Variants in LRRK1 observed in about 807,000 individuals in gnomAD.
LRRK1 encodes the protein leucine-rich repeat serine/threonine-protein kinase 1.
LRRK1 carries 113 observed loss-of-function variants against 209.1 expected under a neutral mutation model. That is an observed-to-expected ratio of 0.54 (90% CI 0.46 to 0.63). LRRK1 has a LOEUF of 0.63. Among genes scored for constraint, LRRK1 ranks in the 30% least tolerant of loss-of-function variants. The pLI, the probability that LRRK1 is intolerant of heterozygous loss-of-function variation, is 0.00. For missense variants in LRRK1, 2,284 were observed against 2,632.2 expected (o/e 0.87, Z 2.89); for synonymous variants, 1,144 against 1,099.7 (o/e 1.04, Z -0.80).
At chr15:100,962,383 G>A (rs569591809) in intron 2 of LRRK1, among the ~76,000 whole-genome samples, 9 of 152,018 alleles carry the variant, frequency 5.9e-5, no homozygotes, top group African/African-American at 9.6e-5. Context: ...TACAAAAATC[G>A]GCTGGGCGTG....
At position 101,014,743 on chromosome 15, in the gene LRRK1, T is replaced by C. The variant is rs113387433; in HGVS notation, c.1532+315T>C. ...TCTTCTTATAAGGACACCAGTCGGA[T>C]TGGATTAGAGTCCATCCTAATGACC... On this transcript the variant is annotated intron_variant, in intron 11 of 33. Transcript: ENST00000388948. 2.3e-3 allele frequency among the ~76,000 whole-genome samples: 351 copies of C among 152,312 alleles called. 1 individual carries two copies. Among genetic ancestry groups the C allele is most frequent in the Admixed American group, 4.1e-3 (62 of 15,300 alleles).
At chr15:100,991,818 A>G (rs1047763365) in intron 6 of LRRK1, among the ~76,000 whole-genome samples, 1 of 152,178 alleles carries the variant, frequency 6.6e-6, no homozygotes, top group Non-Finnish European at 1.5e-5. Flanking sequence ...TCACCAATTT[A>G]TAAGCATTTG....
At chr15:100,974,804 T>G (rs769963468) in intron 3 of LRRK1, among the ~76,000 whole-genome samples, 1 of 152,246 alleles carries the variant, frequency 6.6e-6, no homozygotes, top group Non-Finnish European at 1.5e-5. Context: ...CCAAAAATCT[T>G]CTACAGATTA....
intron 12 of LRRK1, 21 bp downstream of exon 12, chr15:101,015,423 G>T (rs371578751): frequency 1.3e-6 from 2 of 1,593,152 alleles, no homozygotes; most frequent in South Asian, 2.2e-5. Flanking sequence ...GTTGGGAGAC[G>T]GTGTTCCCAG....
intron 20 of LRRK1, 23 bp from the exon 21 acceptor site, chr15:101,045,958 C>T: frequency 6.2e-7 from 1 of 1,611,216 alleles, no homozygotes; most frequent in Non-Finnish European, 8.5e-7. Context: ...CACTGTTCAC[C>T]AGTCCCCCTT....
At position 101,006,380 on chromosome 15, in the gene LRRK1, AAAAAAAAAAAAAG is replaced by A. The variant is rs997139099; in HGVS notation, c.763-2452_763-2440del. Among the ~76,000 whole-genome samples, 367 of 82,550 alleles carry A rather than the reference AAAAAAAAAAAAAG, an allele frequency of 4.4e-3. 3 individuals carry two copies. The highest frequency in any genetic ancestry group is 0.016 in the African/African-American group (346 of 21,416). The allele number at this position is 82,550 out of a possible 152,430, so 54.2% of individuals were successfully genotyped here. ...ATGCAACGACAATGTGATAAAAAAAAAAAAAAAAAAAAGAAAAGGCATTAAAAGGTGTGAAGAC... is the reference window on the plus strand; with the variant it reads ...ATGCAACGACAATGTGATAAAAAAAAAAAAGGCATTAAAAGGTGTGAAGAC... On this transcript the variant is annotated intron_variant, in intron 6 of 33. Coordinates refer to ENST00000388948, the MANE Select transcript of LRRK1 (RefSeq NM_024652.6).
chr15:101,006,372 T>TAAAAAAAAAA (rs56053663), intron 6 of LRRK1, among the ~76,000 whole-genome samples: 1 of 114,460 alleles, frequency 8.7e-6, no homozygotes. Context: ...GACAATGTGA[T>TAAAAAAAAAA]AAAAAAAAAA....
rs2036912183 is a variant in LRRK1, at chr15:101,074,472, C to A, written c.*5624C>A. The stretch of plus-strand genomic sequence containing the variant: ...CTCTTTTTCATCAAATATAAAAACC[C>A]AGCCCAGTTCATGCCTCGTTTGGCA... On this transcript the variant is annotated 3_prime_UTR_variant, in exon 34 of 34. Transcript: ENST00000388948. 1.3e-5 allele frequency: 2 copies of A among 152,136 alleles called. No individual in the cohort carries two copies. The highest frequency in any genetic ancestry group is 1.3e-4 in the Admixed American group (2 of 15,272). The allele number at this position is 152,136 out of a possible 1,614,324, so 9.4% of individuals were successfully genotyped here. A position where few individuals can be genotyped will look rare whatever the true frequency, so the allele number is the denominator to read the frequency against.
chr15:101,019,637 G>C (rs996266483), intron 12 of LRRK1, among the ~76,000 whole-genome samples: 1 of 152,144 alleles, frequency 6.6e-6, no homozygotes, highest in African/African-American at 2.4e-5. Context: ...GAGCCGAGGC[G>C]GGGTAGCTAT....
At chr15:100,925,445 G>A (rs553215448) in intron 2 of LRRK1, among the ~76,000 whole-genome samples, 4 of 152,282 alleles carry the variant, frequency 2.6e-5, no homozygotes, top group Admixed American at 2.0e-4. Context: ...TTATTCTCCT[G>A]TGGGACATTT....
rs962546395 is a variant in LRRK1, at chr15:101,022,213, C to T, written c.1853-170C>T. 4 of 692,132 alleles carry T rather than the reference C, an allele frequency of 5.8e-6. No homozygotes were observed. Among genetic ancestry groups the T allele is most frequent in the East Asian group, 2.7e-5 (1 of 37,628 alleles). 42.9% of individuals were successfully genotyped at this position (692,132 alleles called of 1,614,324 possible). On this transcript the variant is annotated intron_variant, in intron 14 of 33. Coordinates refer to ENST00000388948, the MANE Select transcript of LRRK1 (RefSeq NM_024652.6). The surrounding 1 kb of genome is among the most constrained non-coding windows in gnomAD (Gnocchi z 4.0). ...CCATAGGTTCTTGCCTCTTAGAGTTCGCTTTTAGGGTGGTTAGTGTCATGC... is the reference window on the plus strand; with the variant it reads ...CCATAGGTTCTTGCCTCTTAGAGTTTGCTTTTAGGGTGGTTAGTGTCATGC...
At chr15:101,054,833 AATC>A (rs748665249) in intron 26 of LRRK1, 110 bp from the exon 27 acceptor site, 27 of 986,900 alleles carry the variant, frequency 2.7e-5, no homozygotes, top group Non-Finnish European at 3.9e-5. Flanking sequence ...AAAGAAAAAA[AATC>A]ATAAAGTATC....
chr15:101,023,255 G>A (rs766399478), intron 15 of LRRK1, among the ~76,000 whole-genome samples: 18 of 152,184 alleles, frequency 1.2e-4, no homozygotes, highest in African/African-American at 2.7e-4. Flanking sequence ...GCTTGAACCC[G>A]GGAGGTGGAG....
chr15:100,935,205 C>T (rs1222190021), intron 2 of LRRK1, among the ~76,000 whole-genome samples: 1 of 152,162 alleles, frequency 6.6e-6, no homozygotes, highest in East Asian at 1.9e-4. Flanking sequence ...TGAACAGGGC[C>T]ATGACAGAAA....
chr15:101,028,300 G>A lies in LRRK1; in HGVS notation c.2686+503G>A, dbSNP rs543182457. Among the ~76,000 whole-genome samples, 8 of 152,316 alleles carry A rather than the reference G, an allele frequency of 5.3e-5. No individual in the cohort carries two copies. In the South Asian group the frequency reaches 1.7e-3, roughly 32 times the overall value. On this transcript the variant is annotated intron_variant, in intron 19 of 33. Coordinates refer to ENST00000388948, the MANE Select transcript of LRRK1 (RefSeq NM_024652.6). The stretch of plus-strand genomic sequence containing the variant: ...AAAGATGCCATACTTAATATATGTT[G>A]TTGATTTGTTGGCATTGAACTCACG...
Position 101,049,408 on chromosome 15 carries a change from C to G in LRRK1, c.3300-236C>G, listed in dbSNP as rs140988238. ...CCTCACCTGAGGGTCAGCTCCCAGG[C>G]TGAGCGTCCCTGACTGCAATCTTCC... is the stretch of plus-strand genomic sequence containing the variant. On this transcript the variant is annotated intron_variant, in intron 22 of 33. Transcript: ENST00000388948. 716 of 455,442 alleles carry G rather than the reference C, an allele frequency of 1.6e-3. 2 individuals carry two copies. The highest frequency in any genetic ancestry group is 2.1e-3 in the Non-Finnish European group (530 of 257,744). The allele number at this position is 455,442 out of a possible 1,614,324, so 28.2% of individuals were successfully genotyped here.
rs1465581413 is a variant in LRRK1 at position 101,058,099 on chromosome 15, A to G, written c.4637A>G (p.Gln1546Arg). 20 of 1,614,174 alleles carry G rather than the reference A, an allele frequency of 1.2e-5. No homozygotes were observed. Among genetic ancestry groups the G allele is most frequent in the Non-Finnish European group, 1.7e-5 (20 of 1,180,024 alleles). ...ACAGCCTTCTTCTCATCCCAGGGCC[A>G]GGAGTACACCGTGGTGTTTTGGGAT... Reference protein sequence around the residue: ...KQTAFFSSQGQEYTVVFWDGK... With the variant: ...KQTAFFSSQGREYTVVFWDGK... Residue 1546 changes from glutamine to arginine, a missense_variant, in exon 29 of 34, where the codon CAG (glutamine) becomes CGG (arginine). Gln to Arg is a conservative substitution (Grantham distance 43, BLOSUM62 1). This residue lies in a region of LRRK1 where 643 missense variants were observed against 695.9 expected (regional missense o/e 0.92). Transcript: ENST00000388948.
At chr15:100,960,003 G>C (rs759058850) in intron 2 of LRRK1, among the ~76,000 whole-genome samples, 36 of 152,134 alleles carry the variant, frequency 2.4e-4, no homozygotes, top group Admixed American at 7.2e-4. Flanking sequence ...AATCCAGTTA[G>C]CAAATGTACT....
intron 6 of LRRK1, among the ~76,000 whole-genome samples, chr15:100,995,145 G>A (rs1369972194): frequency 1.3e-5 from 2 of 152,180 alleles, no homozygotes; most frequent in African/African-American, 2.4e-5. Context: ...CGGGCCACGC[G>A]ATGATGTCTT....
Sources: allele counts gnomAD v4.1 joint callset (sites outside exome capture counted in the v4.1 genomes callset), GRCh38; gene constraint gnomAD v4.1.1; regional missense constraint gnomAD v4.1.1; non-coding constraint Gnocchi (gnomAD v3.1); transcripts MANE v1.5; gene names NCBI Gene and HGNC (gene_info 2026-07-23, HGNC 2026-07-21).